LRP1B: variants seen among roughly 807,000 people sequenced by gnomAD.
LRP1B encodes the protein low-density lipoprotein receptor-related protein 1B.
In LRP1B, 217 loss-of-function variants were observed where a neutral mutation model predicts 556.6. The ratio of observed to expected loss-of-function variants is 0.39; its 90% confidence interval spans 0.35 to 0.44. LRP1B has a LOEUF of 0.44. LRP1B is among the 20% of genes least tolerant of loss of function. LRP1B has a pLI of 1.00. For missense variants in LRP1B, 5,053 were observed against 5,620.8 expected, an observed-to-expected ratio of 0.90 and a Z score of 3.23; for synonymous variants, 2,047 against 1,865.8, an observed-to-expected ratio of 1.10 and a Z score of -2.50.
chr2:141,749,920 C>A (rs1380173565), intron 2 of LRP1B, among the ~76,000 whole-genome samples: 1 of 152,114 alleles, frequency 6.6e-6, no homozygotes, highest in African/African-American at 2.4e-5. Flanking sequence ...TTAGGTGATA[C>A]TTTTCACTGC....
chr2:140,951,756 C>A, intron 19 of LRP1B, 104 bp downstream of exon 19: 1 of 819,964 alleles, frequency 1.2e-6, no homozygotes, highest in Non-Finnish European at 2.0e-6. Flanking sequence ...TTTTTCTTGG[C>A]TCTGCAAGAT....
At chr2:141,168,954 G>T (rs1221900278) in intron 7 of LRP1B, among the ~76,000 whole-genome samples, 1 of 151,726 alleles carries the variant, frequency 6.6e-6, no homozygotes. Flanking sequence ...TGTTTTTTTT[G>T]TCATAAACAT....
intron 35 of LRP1B, among the ~76,000 whole-genome samples, chr2:140,752,322 C>CTTTTT (rs34686176): frequency 7.4e-6 from 1 of 135,994 alleles, no homozygotes; most frequent in Non-Finnish European, 1.5e-5. Context: ...ACTTAAAATA[C>CTTTTT]TTTTTTTTTT....
intron 23 of LRP1B, among the ~76,000 whole-genome samples, chr2:140,889,703 A>C (rs1350797291): frequency 6.6e-6 from 1 of 152,190 alleles, no homozygotes; most frequent in Non-Finnish European, 1.5e-5. Context: ...AGGTACAGAG[A>C]AATTATATAA....
intron 70 of LRP1B, 100 bp from the exon 71 acceptor site, chr2:140,370,942 C>G (rs2105166013): frequency 7.9e-7 from 1 of 1,261,074 alleles, no homozygotes; most frequent in Non-Finnish European, 1.1e-6. Flanking sequence ...CTTTATTATA[C>G]CATGGGCTTT....
chr2:140,615,531 A>C, intron 41 of LRP1B, among the ~76,000 whole-genome samples: 1 of 152,124 alleles, frequency 6.6e-6, no homozygotes, highest in East Asian at 1.9e-4. Context: ...GGCAATTACA[A>C]AGCCCAACAT....
intron 43 of LRP1B, among the ~76,000 whole-genome samples, chr2:140,551,642 C>T (rs1302440654): frequency 2.0e-5 from 3 of 152,224 alleles, no homozygotes; most frequent in Admixed American, 6.5e-5. Context: ...AAGATTCTGC[C>T]TCTGCTGTAC....
intron 1 of LRP1B, among the ~76,000 whole-genome samples, chr2:141,929,154 A>G (rs1421590213): frequency 6.6e-6 from 1 of 152,052 alleles, no homozygotes; most frequent in Non-Finnish European, 1.5e-5. Flanking sequence ...CTATTTTTTC[A>G]AATGCTCCAG....
At chr2:141,727,832 CAT>C (rs1693100051) in intron 2 of LRP1B, among the ~76,000 whole-genome samples, 1 of 151,890 alleles carries the variant, frequency 6.6e-6, no homozygotes, top group South Asian at 2.1e-4. Context: ...TATACACACA[CAT>C]ATATATATCT....
At position 140,465,638 on chromosome 2, in the gene LRP1B, G is replaced by A. The variant is rs76128959; in HGVS notation, c.9626-7987C>T. 2.2e-3 allele frequency among the ~76,000 whole-genome samples: 331 copies of A among 150,398 alleles called. 1 individual carries two copies. The highest frequency in any genetic ancestry group is 7.5e-3 in the African/African-American group (308 of 40,886). ...CCTTGTATTTGGAATAGATGAGGCT[G>A]TTGAAAATGACTGAAAACTCAAATG... On this transcript the variant is annotated intron_variant, in intron 60 of 90. Coordinates refer to ENST00000389484, the MANE Select transcript of LRP1B (RefSeq NM_018557.3).
At chr2:141,029,949 T>C (rs1360053192) in intron 11 of LRP1B, among the ~76,000 whole-genome samples, 2 of 152,134 alleles carry the variant, frequency 1.3e-5, no homozygotes, top group East Asian at 3.9e-4. Context: ...CCTCTCCAGT[T>C]GAACCCAAAA....
intron 66 of LRP1B, among the ~76,000 whole-genome samples, chr2:140,413,302 G>C (rs1383505005): frequency 6.6e-6 from 1 of 152,096 alleles, no homozygotes; most frequent in Non-Finnish European, 1.5e-5. Flanking sequence ...TCAATTTCTT[G>C]TATACTCCAG....
chr2:140,722,779 C>T lies in LRP1B; in HGVS notation c.5759-5963G>A, dbSNP rs1297758986. Among the ~76,000 whole-genome samples the T allele has an allele frequency of 2.6e-5, 4 of 152,176 alleles. No individual in the cohort carries two copies. The South Asian group carries it at 6.2e-4, about 24-fold the overall frequency. On this transcript the variant is annotated intron_variant, in intron 35 of 90. Coordinates refer to ENST00000389484, the MANE Select transcript of LRP1B (RefSeq NM_018557.3). ...GTAAAGGGGACCGGGCGCAGTGGCT[C>T]ACGCCTGTAATCCCAACACTTTGGG...
Position 142,115,790 on chromosome 2 carries a change from C to T in LRP1B, c.82+14858G>A, listed in dbSNP as rs192189043. ...TATATCATATATATGTAATATATAT[C>T]ATATATATGTAATATATATCATATA... On this transcript the variant is annotated intron_variant, in intron 1 of 90. Coordinates refer to ENST00000389484, the MANE Select transcript of LRP1B (RefSeq NM_018557.3). Among the ~76,000 whole-genome samples the T allele has an allele frequency of 6.8e-3, 39 of 5,724 alleles. 13 individuals are homozygous for T. The highest frequency in any genetic ancestry group is 0.017 in the African/African-American group (37 of 2,190). The allele number at this position is 5,724 out of a possible 152,430, so 3.8% of individuals were successfully genotyped here.
At chr2:141,188,397 C>A (rs1485211336) in intron 7 of LRP1B, 24 bp downstream of exon 7, 2 of 1,601,810 alleles carry the variant, frequency 1.2e-6, no homozygotes, top group East Asian at 2.2e-5. Flanking sequence ...TTTTTTAGAC[C>A]AAACACTATA....
chr2:141,057,563 T>G (rs527710658), intron 9 of LRP1B, among the ~76,000 whole-genome samples: 1 of 151,992 alleles, frequency 6.6e-6, no homozygotes, highest in South Asian at 2.1e-4. Flanking sequence ...TTTCCCATGC[T>G]GTTCTTGTGA....
intron 3 of LRP1B, among the ~76,000 whole-genome samples, chr2:141,349,770 A>T (rs775954472): frequency 2.0e-5 from 3 of 152,106 alleles, no homozygotes; most frequent in Non-Finnish European, 4.4e-5. Flanking sequence ...TGGAGGAAGG[A>T]GTTAAGATAT....
chr2:141,146,356 G>C (rs564246429), intron 7 of LRP1B, among the ~76,000 whole-genome samples: 7 of 152,078 alleles, frequency 4.6e-5, no homozygotes, highest in African/African-American at 1.7e-4. Context: ...TATGTTTGGA[G>C]GGAAATCTGT....
intron 4 of LRP1B, 49 bp from the exon 5 acceptor site, chr2:141,247,403 T>G: frequency 6.3e-7 from 1 of 1,579,772 alleles, no homozygotes; most frequent in South Asian, 1.1e-5. Flanking sequence ...TCTTGGGCAC[T>G]TTTTTTTCTC....
Sources: allele counts gnomAD v4.1 joint callset (sites outside exome capture counted in the v4.1 genomes callset), GRCh38; gene constraint gnomAD v4.1.1; transcripts MANE v1.5; gene names NCBI Gene and HGNC (gene_info 2026-07-23, HGNC 2026-07-21).